Variants in SHROOM3 observed in about 807,000 individuals in gnomAD.
The protein encoded by SHROOM3 is protein Shroom3.
SHROOM3 carries 47 observed loss-of-function variants against 138.6 expected under a neutral mutation model. The ratio of observed to expected loss-of-function variants is 0.34; its 90% CI spans 0.27 to 0.43. The LOEUF (loss-of-function observed/expected upper bound fraction) is 0.43. SHROOM3 is among the 20% of genes least tolerant of loss of function. SHROOM3 has a pLI of 1.00. For missense variants in SHROOM3, 2,491 were observed against 2,596.5 expected, an observed-to-expected ratio of 0.96 and a Z score of 0.88; for synonymous variants, 1,062 against 1,063.3, an observed-to-expected ratio of 1.00 and a Z score of 0.02.
In SHROOM3 at chr4:76,531,797, G is replaced by A. The variant is rs200064139; in HGVS notation, c.169-23812G>A. ...TTGCACAAAGAGAATCCTGAAAGTC[G>A]TGAGCAAGGCCATCAAACAAGTAAT... On this transcript the variant is annotated intron_variant, in intron 1 of 10. Transcript: ENST00000296043. Among the ~76,000 whole-genome samples the A allele has an allele frequency of 5.1e-4, 77 of 152,030 alleles. No individual in the cohort carries two copies. The East Asian group carries it at 9.1e-3, about 18-fold the overall frequency.
intron 2 of SHROOM3, among the ~76,000 whole-genome samples, chr4:76,582,171 T>TTAGA (rs1392168354): frequency 6.8e-6 from 1 of 146,972 alleles, no homozygotes; most frequent in East Asian, 2.0e-4. Flanking sequence ...AAACAGTGTG[T>TTAGA]TAGAAGTTGG....
intron 2 of SHROOM3, among the ~76,000 whole-genome samples, chr4:76,626,098 T>C (rs1306161928): frequency 6.6e-6 from 1 of 152,200 alleles, no homozygotes; most frequent in African/African-American, 2.4e-5. Context: ...TATAGCATTA[T>C]ATAGATTTAA....
chr4:76,614,260 T>A (rs1409081564), intron 2 of SHROOM3, among the ~76,000 whole-genome samples: 1 of 152,048 alleles, frequency 6.6e-6, no homozygotes, highest in African/African-American at 2.4e-5. Context: ...TTCACCATGT[T>A]AGCCAGGATG....
chr4:76,518,094 A>T (rs1732480284), intron 1 of SHROOM3, among the ~76,000 whole-genome samples: 1 of 152,154 alleles, frequency 6.6e-6, no homozygotes, highest in Non-Finnish European at 1.5e-5. Context: ...AGAAATTGCA[A>T]GATGATTATT....
chr4:76,575,358 C>A (rs1806287), intron 2 of SHROOM3, among the ~76,000 whole-genome samples: 24,436 of 151,936 alleles, frequency 0.16, 2,107 homozygotes, highest in East Asian at 0.28. Flanking sequence ...CTAGCTAGAG[C>A]AATTAGACAA....
At chr4:76,548,048 G>A (rs1394569939) in intron 1 of SHROOM3, among the ~76,000 whole-genome samples, 1 of 148,734 alleles carries the variant, frequency 6.7e-6, no homozygotes. Flanking sequence ...GCGGTAGCTA[G>A]GAAAGGCCCC....
Position 76,770,752 on chromosome 4 carries a change from T to C in SHROOM3, c.5476T>C (p.Cys1826Arg). The change falls in exon 10 of 11, where the codon TGC becomes CGC. Residue 1826 changes from cysteine to arginine, a missense_variant. This residue lies in a region of SHROOM3 where 470 missense variants were observed against 595.0 expected (regional missense o/e 0.79). Coordinates refer to ENST00000296043, the MANE Select transcript of SHROOM3 (RefSeq NM_020859.4). The stretch of plus-strand genomic sequence containing the variant: ...GGTGGAGGCTCTGATCAGCGAGCTC[T>C]GCAAGCCCAATGAGTTTGACAAGTA... Reference protein sequence around the residue: ...EEVEALISELCKPNEFDKYRM... With the variant: ...EEVEALISELRKPNEFDKYRM... 6.2e-7 allele frequency: 1 copy of C among 1,614,154 alleles called. No homozygotes were observed. Among genetic ancestry groups the C allele is most frequent in the Non-Finnish European group, 8.5e-7 (1 of 1,180,034 alleles).
chr4:76,633,541 C>T lies in SHROOM3; in HGVS notation c.324-76615C>T, dbSNP rs563309776. ...TGTGGTGGCGGGCGCCTGTAAGTCC[C>T]AGCTATGCGGGAGGCTGAGGCAGCA... On this transcript the variant is annotated intron_variant, in intron 2 of 10. Transcript: ENST00000296043. Among the ~76,000 whole-genome samples the T allele has an allele frequency of 2.0e-4, 30 of 150,848 alleles. No homozygotes were observed. In the South Asian group the frequency reaches 6.1e-3, roughly 31 times the overall value.
At chr4:76,465,317 C>G (rs182218337) in intron 1 of SHROOM3, among the ~76,000 whole-genome samples, 227 of 152,332 alleles carry the variant, frequency 1.5e-3, no homozygotes, top group South Asian at 3.1e-3. Flanking sequence ...ACATAATTGT[C>G]AGACAGTTTC....
intron 2 of SHROOM3, among the ~76,000 whole-genome samples, chr4:76,681,625 G>GTGTGTATGTATGTA (rs1553936160): frequency 8.5e-6 from 1 of 117,886 alleles, no homozygotes; most frequent in African/African-American, 3.5e-5. Flanking sequence ...GTGTGTGTGT[G>GTGTGTATGTATGTA]TGTGTGTGTA....
chr4:76,536,439 T>C (rs1249911715), intron 1 of SHROOM3, among the ~76,000 whole-genome samples: 1 of 152,180 alleles, frequency 6.6e-6, no homozygotes, highest in Non-Finnish European at 1.5e-5. Context: ...AATTTTGTAA[T>C]AGGCATTCAT....
intron 2 of SHROOM3, among the ~76,000 whole-genome samples, chr4:76,694,426 C>G (rs1719662664): frequency 6.6e-6 from 1 of 152,144 alleles, no homozygotes; most frequent in Non-Finnish European, 1.5e-5. Context: ...GGTTTAAAAT[C>G]CTAGTTCTTT....
At chr4:76,697,821 G>A (rs1372021516) in intron 2 of SHROOM3, among the ~76,000 whole-genome samples, 1 of 152,200 alleles carries the variant, frequency 6.6e-6, no homozygotes, top group Non-Finnish European at 1.5e-5. Context: ...TTTGTGGTAT[G>A]TATGTCAGTG....
chr4:76,771,263 G>A (rs978725311), intron 10 of SHROOM3, among the ~76,000 whole-genome samples: 3 of 151,756 alleles, frequency 2.0e-5, no homozygotes, highest in African/African-American at 7.3e-5. Context: ...TTGTAATCCC[G>A]GCTACTCAGG....
In SHROOM3 at chr4:76,559,950, T is replaced by C. The variant is rs905063415; in HGVS notation, c.323+4187T>C. 3.9e-5 allele frequency among the ~76,000 whole-genome samples: 6 copies of C among 152,014 alleles called. No homozygotes were observed. The East Asian group carries it at 1.2e-3, about 29-fold the overall frequency. ...TGTCTGCTGCTTGATACACGAAGAGTGAAGGTTAACAGCTAGTAGTGGATA... is the reference window on the plus strand; with the variant it reads ...TGTCTGCTGCTTGATACACGAAGAGCGAAGGTTAACAGCTAGTAGTGGATA... On this transcript the variant is annotated intron_variant, in intron 2 of 10. Coordinates refer to ENST00000296043, the MANE Select transcript of SHROOM3 (RefSeq NM_020859.4).
In SHROOM3 at chr4:76,741,030, G is replaced by A; in HGVS notation, c.2857G>A (p.Ala953Thr). 1 of 1,485,964 alleles carries A rather than the reference G, an allele frequency of 6.7e-7. No homozygotes were observed. Among genetic ancestry groups the A allele is most frequent in the Non-Finnish European group, 8.9e-7 (1 of 1,122,314 alleles). 92.0% of individuals were successfully genotyped at this position (1,485,964 alleles called of 1,614,324 possible). Reference protein sequence around the residue: ...RRDLELGAPVASRSWRPRPSS... With the variant: ...RRDLELGAPVTSRSWRPRPSS... The stretch of plus-strand genomic sequence containing the variant: ...AGACCTGGAGCTGGGGGCGCCCGTG[G>A]CGTCGAGGTCCTGGCGGCCACGGCC... Residue 953 changes from alanine (A) to threonine (T), a missense_variant, in exon 5 of 11, where the codon GCG becomes ACG. Ala to Thr is a moderately conservative substitution (Grantham distance 58). Around this residue, in one of 4 missense-constraint regions of SHROOM3, gnomAD observed 1,733 missense variants for 1,661.6 expected, o/e 1.04. Transcript: ENST00000296043. The surrounding 1 kb of genome is among the most constrained non-coding windows in gnomAD (Gnocchi z 6.2).
chr4:76,562,215 A>G (rs890802594), intron 2 of SHROOM3, among the ~76,000 whole-genome samples: 2 of 152,182 alleles, frequency 1.3e-5, no homozygotes, highest in African/African-American at 4.8e-5. Context: ...TCTGGGCTGC[A>G]TTAGTGGCTG....
chr4:76,616,233 G>A (rs1050245099), intron 2 of SHROOM3, among the ~76,000 whole-genome samples: 1 of 152,136 alleles, frequency 6.6e-6, no homozygotes, highest in East Asian at 1.9e-4. Flanking sequence ...TCTGTAATTC[G>A]AATCTGGTTT....
Position 76,552,120 on chromosome 4 carries a change from CT to C in SHROOM3, c.169-3488del, listed in dbSNP as rs372676591. The stretch of plus-strand genomic sequence containing the variant: ...TTGTGATCCGCCCGCCTCGGCCCCC[CT>C]AAATTGCTGGGATTACAGGCATGAG... On this transcript the variant is annotated intron_variant, in intron 1 of 10. Coordinates refer to ENST00000296043, the MANE Select transcript of SHROOM3 (RefSeq NM_020859.4). 0.024 allele frequency among the ~76,000 whole-genome samples: 3,594 copies of C among 150,836 alleles called. 218 individuals are homozygous for C. In the East Asian group the frequency reaches 0.27, roughly 11 times the overall value.
Sources: allele counts gnomAD v4.1 joint callset (sites outside exome capture counted in the v4.1 genomes callset), GRCh38; gene constraint gnomAD v4.1.1; regional missense constraint gnomAD v4.1.1; non-coding constraint Gnocchi (gnomAD v3.1); transcripts MANE v1.5; gene names NCBI Gene and HGNC (gene_info 2026-07-23, HGNC 2026-07-21).